Variants in CLEC16A observed in about 807,000 individuals in gnomAD.
The protein encoded by CLEC16A is C-type lectin domain containing 16A.
CLEC16A carries 51 observed loss-of-function variants against 109.5 expected under a neutral mutation model. The observed-to-expected ratio is 0.47, with a 90% CI of 0.37 to 0.59. CLEC16A has a LOEUF of 0.59. CLEC16A is among the 20% of genes least tolerant of loss of function. The pLI is 0.00. For synonymous variants in CLEC16A, 673 were observed against 564.2 expected (o/e 1.19, Z -2.73); for missense variants, 1,339 against 1,394.0 (o/e 0.96, Z 0.63).
chr16:10,962,099 T>C (rs1400704164), intron 2 of CLEC16A, among the ~76,000 whole-genome samples: 1 of 151,604 alleles, frequency 6.6e-6, no homozygotes. Context: ...ACTTCAGGCA[T>C]GCACCACCGC....
chr16:10,980,179 G>A (rs1164311072), intron 9 of CLEC16A, among the ~76,000 whole-genome samples: 1 of 152,126 alleles, frequency 6.6e-6, no homozygotes, highest in East Asian at 1.9e-4. Flanking sequence ...AATTTGGGGC[G>A]GGGCTTTGTC....
intron 19 of CLEC16A, among the ~76,000 whole-genome samples, chr16:11,100,370 G>A (rs1320831617): frequency 6.6e-6 from 1 of 152,164 alleles, no homozygotes; most frequent in East Asian, 1.9e-4. Flanking sequence ...AGCTGAAGGC[G>A]GTGATGCACA....
chr16:11,072,587 C>T (rs1049554557), intron 19 of CLEC16A, among the ~76,000 whole-genome samples: 2 of 152,130 alleles, frequency 1.3e-5, no homozygotes, highest in African/African-American at 4.8e-5. Flanking sequence ...GTTTTAACTC[C>T]TGCTGTGTGA....
Position 10,982,919 on chromosome 16 carries a change from A to G in CLEC16A, c.999A>G (p.Leu333=), listed in dbSNP as rs75783119. 1.2e-4 allele frequency: 186 copies of G among 1,612,900 alleles called. 1 individual carries two copies. The African/African-American group carries it at 2.0e-3, about 18-fold the overall frequency. ...ATCATGCACCGCTGGTGAACTCGTTAGCTGAAGTCATTCTGAATGGTGATC... is the reference window on the plus strand; with the variant it reads ...ATCATGCACCGCTGGTGAACTCGTTGGCTGAAGTCATTCTGAATGGTGATC... ...IIHHAPLVNS[L]AEVILNGDLS... is the part of the protein sequence containing the mutation. The change falls in exon 10 of 24, where the codon TTA becomes TTG. Residue 333 remains leucine, a synonymous_variant. Transcript: ENST00000409790.
At chr16:11,023,761 T>C (rs939013821) in intron 12 of CLEC16A, among the ~76,000 whole-genome samples, 29 of 152,204 alleles carry the variant, frequency 1.9e-4, no homozygotes, top group African/African-American at 6.5e-4. Context: ...CCAATGTTCA[T>C]TGGAGCTTGG....
chr16:11,095,074 G>A (rs1272225792), intron 19 of CLEC16A, among the ~76,000 whole-genome samples: 1 of 146,180 alleles, frequency 6.8e-6, no homozygotes, highest in Non-Finnish European at 1.5e-5. Flanking sequence ...TATTTGAACA[G>A]TTGCTAATCT....
At chr16:11,131,205 C>G (rs774538689) in intron 22 of CLEC16A, among the ~76,000 whole-genome samples, 1 of 152,190 alleles carries the variant, frequency 6.6e-6, no homozygotes, top group Non-Finnish European at 1.5e-5. Flanking sequence ...AGCCTGAGCA[C>G]TCTGTGGCTT....
chr16:11,122,145 C>T (rs2052465799), intron 20 of CLEC16A, among the ~76,000 whole-genome samples: 1 of 152,212 alleles, frequency 6.6e-6, no homozygotes, highest in Non-Finnish European at 1.5e-5. Flanking sequence ...CTTGCCGCAG[C>T]CTGACCTGCT....
At chr16:10,976,236 C>G (rs1307146222) in intron 7 of CLEC16A, among the ~76,000 whole-genome samples, 3 of 151,834 alleles carry the variant, frequency 2.0e-5, no homozygotes, top group South Asian at 4.2e-4. Flanking sequence ...TGCCACAGCA[C>G]TCCAGCCTAG....
intron 1 of CLEC16A, among the ~76,000 whole-genome samples, chr16:10,955,316 T>A (rs2041934532): frequency 6.6e-6 from 1 of 152,214 alleles, no homozygotes; most frequent in Admixed American, 6.5e-5. Context: ...CTGCTGTGTA[T>A]CAGACATTTG....
chr16:10,958,972 G>A (rs894960264), intron 2 of CLEC16A, among the ~76,000 whole-genome samples: 2 of 151,830 alleles, frequency 1.3e-5, no homozygotes, highest in African/African-American at 4.8e-5. Context: ...ATGTCTTAGT[G>A]CAGAAGGATT....
intron 3 of CLEC16A, among the ~76,000 whole-genome samples, chr16:10,962,989 C>A (rs563980411): frequency 1.3e-5 from 2 of 151,832 alleles, no homozygotes; most frequent in East Asian, 1.9e-4. Context: ...TCAAGGAAGT[C>A]GAGGTTGCAG....
Position 11,178,800 on chromosome 16 carries a change from A to G in CLEC16A, c.*110A>G. On this transcript the variant is annotated 3_prime_UTR_variant, in exon 24 of 24. Transcript: ENST00000409790. The surrounding 1 kb of genome is among the most constrained non-coding windows in gnomAD (Gnocchi z 6.5). ...CCCACCATTCTGTGCGGCCCCCAGC[A>G]GCCATCTCAACCACCTATCCCTGCG... is the stretch of plus-strand genomic sequence containing the variant. The G allele has an allele frequency of 2.5e-6, 2 of 807,204 alleles. No individual in the cohort carries two copies. The highest frequency in any genetic ancestry group is 3.8e-5 in the South Asian group (2 of 52,546). 50.0% of individuals were successfully genotyped at this position (807,204 alleles called of 1,614,324 possible).
At chr16:11,142,463 C>T (rs2053880885) in intron 22 of CLEC16A, among the ~76,000 whole-genome samples, 1 of 152,368 alleles carries the variant, frequency 6.6e-6, no homozygotes, top group Middle Eastern at 3.4e-3. Flanking sequence ...AGCCGAGTGG[C>T]ATTTGCCCGA....
chr16:11,043,952 T>A (rs1287783291), intron 15 of CLEC16A, 76 bp from the exon 16 acceptor site: 7 of 1,160,816 alleles, frequency 6.0e-6, no homozygotes, highest in Non-Finnish European at 8.7e-6. Flanking sequence ...CACTCATGTT[T>A]TAGAATTCGT....
intron 4 of CLEC16A, among the ~76,000 whole-genome samples, chr16:10,970,237 A>T (rs1216564785): frequency 6.6e-6 from 1 of 152,170 alleles, no homozygotes; most frequent in Non-Finnish European, 1.5e-5. Flanking sequence ...TCATGGTCAC[A>T]GGTTGGCTGC....
At chr16:11,144,312 G>C (rs2053963134) in intron 22 of CLEC16A, among the ~76,000 whole-genome samples, 1 of 152,214 alleles carries the variant, frequency 6.6e-6, no homozygotes, top group Admixed American at 6.5e-5. Flanking sequence ...CCTGTTGCCA[G>C]GGGTGACGAG....
At chr16:11,113,718 C>G (rs982263657) in intron 19 of CLEC16A, among the ~76,000 whole-genome samples, 6 of 152,184 alleles carry the variant, frequency 3.9e-5, no homozygotes, top group Admixed American at 3.3e-4. Context: ...TTTTTCTACT[C>G]ATCGTATGTT....
chr16:11,169,961 A>G (rs546230109), intron 23 of CLEC16A, among the ~76,000 whole-genome samples: 14 of 152,290 alleles, frequency 9.2e-5, no homozygotes, highest in African/African-American at 2.9e-4. Context: ...CTCACATTGT[A>G]CAGTAGAAAA....
Sources: allele counts gnomAD v4.1 joint callset (sites outside exome capture counted in the v4.1 genomes callset), GRCh38; gene constraint gnomAD v4.1.1; non-coding constraint Gnocchi (gnomAD v3.1); transcripts MANE v1.5; gene names NCBI Gene and HGNC (gene_info 2026-07-23, HGNC 2026-07-21).